The following STAB1 variants were observed in gnomAD, a reference collection of about 807,000 sequenced individuals.
STAB1 encodes stabilin-1.
A neutral mutation model predicts 332.4 loss-of-function variants in STAB1; 250 were observed. The observed-to-expected ratio is 0.75, with a 90% CI of 0.68 to 0.84. The LOEUF (loss-of-function observed/expected upper bound fraction) is 0.84, where lower values mean the gene tolerates loss of function less well. STAB1 is among the 40% of genes least tolerant of loss of function. The pLI, the probability that STAB1 is intolerant of heterozygous loss-of-function variation, is 0.00. For synonymous variants in STAB1, 1,475 were observed against 1,390.4 expected (o/e 1.06, Z -1.35); for missense variants, 3,249 against 3,489.7 (o/e 0.93, Z 1.74).
Position 52,522,576 on chromosome 3 carries a change from A to G in STAB1, c.6632A>G (p.His2211Arg), listed in dbSNP as rs1221468549. 6 of 1,612,382 alleles carry G rather than the reference A, an allele frequency of 3.7e-6. No individual in the cohort carries two copies. The highest frequency in any genetic ancestry group is 5.1e-6 in the Non-Finnish European group (6 of 1,179,938). The change falls in exon 61 of 69, where the codon CAC becomes CGC. Residue 2211 changes from histidine (H) to arginine (R), a missense_variant. Transcript: ENST00000321725. Reference sequence around the variant, plus strand: ...GCAGAGAAACGGGCTGGCGTTTTCCACCTCCAGGCCACCAGCGGCCCTTAT... The same window carrying G: ...GCAGAGAAACGGGCTGGCGTTTTCCGCCTCCAGGCCACCAGCGGCCCTTAT... ...HFQEKRAGVFHLQATSGPYGL... is the reference protein window; with the variant it reads ...HFQEKRAGVFRLQATSGPYGL...
rs755847188 is a variant in STAB1 at position 52,510,517 on chromosome 3, A to T, written c.2787+10A>T. ...TGTGGGCCCCGGGCAGGTGAGGTGCAGCAGAGAAGGGGTGGGGGCCTTGGT... is the reference window on the plus strand; with the variant it reads ...TGTGGGCCCCGGGCAGGTGAGGTGCTGCAGAGAAGGGGTGGGGGCCTTGGT... On this transcript the variant is annotated intron_variant, in intron 25 of 68. Transcript: ENST00000321725. 1 of 1,610,726 alleles carries T rather than the reference A, an allele frequency of 6.2e-7. No individual in the cohort carries two copies. The highest frequency in any genetic ancestry group is 2.2e-5 in the East Asian group (1 of 44,870).
At chr3:52,502,784 G>A (rs1334438115) in intron 6 of STAB1, 57 bp downstream of exon 6, 2 of 1,558,690 alleles carry the variant, frequency 1.3e-6, no homozygotes, top group African/African-American at 2.7e-5. Context: ...CAGAGCAAAA[G>A]AGGCCGACTG....
Position 52,518,806 on chromosome 3 carries a change from C to T in STAB1, c.4971C>T (p.Asp1657=). 3 of 1,611,466 alleles carry T rather than the reference C, an allele frequency of 1.9e-6. No homozygotes were observed. The highest frequency in any genetic ancestry group is 2.5e-6 in the Non-Finnish European group (3 of 1,179,698). The change falls in exon 48 of 69, where the codon GAC becomes GAT. Residue 1657 remains aspartate, a synonymous_variant. Coordinates refer to ENST00000321725, the MANE Select transcript of STAB1 (RefSeq NM_015136.3). ...VVGCRRLRSE[D]LLEQGYATAL... ...GCTGTCGGCGGCTGCGGAGCGAGGA[C>T]CTGCTGGAGCAGGGGTACGCCACGG...
rs2078857804 is a variant in STAB1, at chr3:52,516,233, C to A, written c.4139C>A (p.Thr1380Asn). Residue 1380 changes from threonine (T) to asparagine (N), a missense_variant, in exon 38 of 69, where the codon ACC becomes AAC. Physicochemically the swap from Thr to Asn is moderately conservative, Grantham distance 65 (BLOSUM62 0). Transcript: ENST00000321725. ...CTGGGCCGCTACGGGCCCAACTGCA[C>A]CGGAGGTGAGGACTGGGGAGGGGCG... ...CELGRYGPNC[T>N]GVCDCAHGLC... 6.2e-7 allele frequency: 1 copy of A among 1,603,608 alleles called. No individual in the cohort carries two copies. Among genetic ancestry groups the A allele is most frequent in the East Asian group, 2.2e-5 (1 of 44,814 alleles).
In STAB1 at chr3:52,524,009, G is replaced by A. The variant is rs2079178648; in HGVS notation, c.7534G>A (p.Ala2512Thr). The change falls in exon 67 of 69, where the codon GCC becomes ACC. Residue 2512 changes from alanine (A) to threonine (T), a missense_variant. Transcript: ENST00000321725. ...CAAGCCCATGGGCTTTGGCTTCTCT[G>A]CCTTCCAGGTAGGGCTGGGTTGGGG... ...RGKPMGFGFS[A>T]FQAEDDADDD... 1 of 1,612,176 alleles carries A rather than the reference G, an allele frequency of 6.2e-7. No homozygotes were observed. The highest frequency in any genetic ancestry group is 8.5e-7 in the Non-Finnish European group (1 of 1,179,752).
intron 8 of STAB1, 87 bp from the exon 9 acceptor site, chr3:52,503,685 G>T: frequency 6.3e-7 from 1 of 1,584,320 alleles, no homozygotes; most frequent in South Asian, 1.1e-5. Flanking sequence ...TTCAGGGAGG[G>T]GCTGAGCAGG....
At chr3:52,518,498 T>C (rs559975286) in intron 46 of STAB1, 38 bp from the exon 47 acceptor site, 1 of 1,565,432 alleles carries the variant, frequency 6.4e-7, no homozygotes, top group Admixed American at 1.9e-5. Flanking sequence ...CGCCTCAGGC[T>C]TCTCCCATTC....
At position 52,520,133 on chromosome 3, in the gene STAB1, C is replaced by T. The variant is rs1302537314; in HGVS notation, c.5412+13C>T. On this transcript the variant is annotated intron_variant, in intron 51 of 68. Coordinates refer to ENST00000321725, the MANE Select transcript of STAB1 (RefSeq NM_015136.3). The stretch of plus-strand genomic sequence containing the variant: ...TCGCAATGTCGAGGTGGGTGCAGCC[C>T]CCAACCTTGGTCTTCACTGCCTGCA... The T allele has an allele frequency of 4.3e-6, 7 of 1,612,194 alleles. No individual in the cohort carries two copies. Among genetic ancestry groups the T allele is most frequent in the Non-Finnish European group, 5.9e-6 (7 of 1,179,218 alleles).
At position 52,515,015 on chromosome 3, in the gene STAB1, A is replaced by G. The variant is rs2078810600; in HGVS notation, c.3834A>G (p.Arg1278=). The change falls in exon 36 of 69, where the codon AGA becomes AGG. Residue 1278 remains arginine (R), a synonymous_variant. Coordinates refer to ENST00000321725, the MANE Select transcript of STAB1 (RefSeq NM_015136.3). ...LREKCVNCTR[R]FRCTQGFQLQ... ...AGAAATGTGTAAACTGCACCAGGAG[A>G]TTCCGCTGCACTCAGGGCTTCCAGC... The G allele has an allele frequency of 1.2e-6, 2 of 1,613,472 alleles. No homozygotes were observed. Among genetic ancestry groups the G allele is most frequent in the African/African-American group, 2.7e-5 (2 of 75,024 alleles).
chr3:52,517,803 T>A, intron 44 of STAB1, 78 bp from the exon 45 acceptor site: 1 of 1,601,426 alleles, frequency 6.2e-7, no homozygotes, highest in Non-Finnish European at 8.5e-7. Flanking sequence ...GGGGCCTTCA[T>A]GGCCTCTTTC....
intron 43 of STAB1, 44 bp downstream of exon 43, chr3:52,517,437 C>A: frequency 6.3e-7 from 1 of 1,576,002 alleles, no homozygotes; most frequent in Non-Finnish European, 8.6e-7. Flanking sequence ...GCCATGCCCT[C>A]ACAGGATGGG....
At chr3:52,516,265 G>GC in intron 38 of STAB1, 27 bp downstream of exon 38, 1 of 1,036,034 alleles carries the variant, frequency 9.7e-7, no homozygotes, top group Non-Finnish European at 1.5e-6. Context: ...GGCGGGGGTG[G>GC]GCCTCCTGGC....
At chr3:52,505,233 C>A in intron 13 of STAB1, 86 bp from the exon 14 acceptor site, 1 of 1,605,480 alleles carries the variant, frequency 6.2e-7, no homozygotes, top group Non-Finnish European at 8.5e-7. Context: ...AGCCATTCTA[C>A]TCAGGGCTGG....
In STAB1 at chr3:52,520,183, A is replaced by G. The variant is rs1453544979; in HGVS notation, c.5413-21A>G. ...AGCTCAGCCTGCCTTTCCACCTCCAACCATGACTCCACTTGCTCAGGCCTT... is the reference window on the plus strand; with the variant it reads ...AGCTCAGCCTGCCTTTCCACCTCCAGCCATGACTCCACTTGCTCAGGCCTT... On this transcript the variant is annotated intron_variant, in intron 51 of 68. Transcript: ENST00000321725. The G allele has an allele frequency of 3.7e-6, 6 of 1,613,006 alleles. No homozygotes were observed. The South Asian group carries it at 5.5e-5, about 15-fold the overall frequency.
In STAB1 at chr3:52,504,489, A is replaced by G; in HGVS notation, c.1179A>G (p.Thr393=). 2 of 1,613,856 alleles carry G rather than the reference A, an allele frequency of 1.2e-6. No homozygotes were observed. Among genetic ancestry groups the G allele is most frequent in the Non-Finnish European group, 1.7e-6 (2 of 1,179,960 alleles). ...MDQGCREILT[T]AGPFTVLVPS... ...AGGGCTGCCGGGAAATCCTTACCAC[A>G]GCGGGCCCTTTCACCGTGCTGGTGC... is the stretch of plus-strand genomic sequence containing the variant. Residue 393 remains threonine, a synonymous_variant, in exon 11 of 69, where the codon ACA becomes ACG. Transcript: ENST00000321725.
At chr3:52,519,015 C>T (rs1304862376) in intron 48 of STAB1, 146 bp downstream of exon 48, 14 of 1,115,288 alleles carry the variant, frequency 1.3e-5, no homozygotes, top group Non-Finnish European at 1.5e-5. Flanking sequence ...CCCGGGACTC[C>T]GCCCTTGACC....
chr3:52,522,312 T>C lies in STAB1; in HGVS notation c.6466-18T>C. On this transcript the variant is annotated intron_variant, in intron 59 of 68. Coordinates refer to ENST00000321725, the MANE Select transcript of STAB1 (RefSeq NM_015136.3). ...CCTCTGAAGGGTGAAGGGCGCCCAC[T>C]GCTCTCTCCAACCCCAGAACACACG... The C allele has an allele frequency of 6.2e-7, 1 of 1,612,736 alleles. No individual in the cohort carries two copies. The highest frequency in any genetic ancestry group is 8.5e-7 in the Non-Finnish European group (1 of 1,179,894).
intron 48 of STAB1, 80 bp from the exon 49 acceptor site, chr3:52,519,184 G>A (rs1376106150): frequency 2.6e-6 from 4 of 1,532,904 alleles, no homozygotes; most frequent in Non-Finnish European, 2.6e-6. Flanking sequence ...GCCCAACCCA[G>A]GTTCAACCTC....
Position 52,524,184 on chromosome 3 carries a change from G to A in STAB1, c.7627G>A (p.Gly2543Ser). ...TLVSVPNPVF[G>S]SDTFCEPFDD... ...GGTCTCTGTCCCCAACCCTGTCTTT[G>A]GCAGCGACACCTTTTGTGAACCCTT... The change falls in exon 68 of 69, where the codon GGC becomes AGC. Residue 2543 changes from glycine to serine, a missense_variant. Gly to Ser is a moderately conservative substitution (Grantham distance 56). Coordinates refer to ENST00000321725, the MANE Select transcript of STAB1 (RefSeq NM_015136.3). 1.2e-6 allele frequency: 2 copies of A among 1,614,104 alleles called. No homozygotes were observed. Among genetic ancestry groups the A allele is most frequent in the Non-Finnish European group, 1.7e-6 (2 of 1,180,030 alleles).
Sources: allele counts gnomAD v4.1 joint callset, GRCh38; gene constraint gnomAD v4.1.1; transcripts MANE v1.5; gene names NCBI Gene and HGNC (gene_info 2026-07-23, HGNC 2026-07-21).